AOPEP: variants seen among roughly 807,000 people sequenced by gnomAD.
AOPEP encodes aminopeptidase O (putative), also known as aminopeptidase O.
A neutral mutation model predicts 98.1 loss-of-function variants in AOPEP; 77 were observed. That is an observed-to-expected ratio of 0.78 (90% confidence interval 0.65 to 0.95). AOPEP has a LOEUF of 0.95. Ranked by LOEUF, AOPEP falls within the 40% of genes least tolerant of loss-of-function variation. AOPEP has a pLI of 0.00. For missense variants in AOPEP, 1,024 were observed against 1,024.7 expected (o/e 1.00, Z 0.01); for synonymous variants, 346 against 365.3 (o/e 0.95, Z 0.60).
chr9:95,084,202 T>C (rs1040120121), intron 16 of AOPEP, among the ~76,000 whole-genome samples: 6 of 152,266 alleles, frequency 3.9e-5, no homozygotes, highest in Non-Finnish European at 7.3e-5. Context: ...GTTGATATTC[T>C]TCACTCAGTT....
In AOPEP at chr9:94,768,895, C is replaced by T. The variant is rs141137278; in HGVS notation, c.798-4107C>T. 5.9e-3 allele frequency among the ~76,000 whole-genome samples: 906 copies of T among 152,378 alleles called. 4 individuals are homozygous for T. Among genetic ancestry groups the T allele is most frequent in the South Asian group, 0.021 (101 of 4,830 alleles). On this transcript the variant is annotated intron_variant, in intron 2 of 16. Coordinates refer to ENST00000375315, the MANE Select transcript of AOPEP (RefSeq NM_001193329.3). The stretch of plus-strand genomic sequence containing the variant: ...GGAGAATTTCAGGCTGCTGCCTGCA[C>T]GTCTATCCTATGAGCATTTTAGCAA...
chr9:95,082,875 G>A, intron 16 of AOPEP, 156 bp downstream of exon 16: 5 of 812,986 alleles, frequency 6.2e-6, no homozygotes, highest in African/African-American at 1.7e-5. Flanking sequence ...GGCCAAGTGG[G>A]TGCTGGGCTG....
At chr9:95,137,380 G>A in the AOPEP span, among the ~76,000 whole-genome samples, 1 of 152,114 alleles carries the variant, frequency 6.6e-6, no homozygotes, top group Non-Finnish European at 1.5e-5. Flanking sequence ...AGGGGGAAGG[G>A]AGAAGGGAGG....
intron 5 of AOPEP, among the ~76,000 whole-genome samples, chr9:94,912,251 C>T (rs759174915): frequency 3.3e-5 from 5 of 152,056 alleles, no homozygotes; most frequent in African/African-American, 7.2e-5. Flanking sequence ...TAGATAGTAC[C>T]GCTCTTAGCT....
At chr9:95,075,300 G>A (rs2068931773) in intron 14 of AOPEP, among the ~76,000 whole-genome samples, 1 of 152,154 alleles carries the variant, frequency 6.6e-6, no homozygotes, top group Admixed American at 6.5e-5. Flanking sequence ...TATTTGAAGT[G>A]TACCATTTGA....
chr9:94,895,145 A>G (rs1201737402), intron 5 of AOPEP, among the ~76,000 whole-genome samples: 5 of 151,878 alleles, frequency 3.3e-5, no homozygotes, highest in Non-Finnish European at 7.4e-5. Flanking sequence ...AGGCCGAGGC[A>G]GGAGGATTGC....
At chr9:94,793,884 G>A (rs986048205) in intron 4 of AOPEP, among the ~76,000 whole-genome samples, 3 of 152,134 alleles carry the variant, frequency 2.0e-5, no homozygotes, top group Non-Finnish European at 4.4e-5. Context: ...GGTTTTCAGT[G>A]CTTATGTGGT....
At chr9:94,944,079 A>G (rs893207430) in intron 7 of AOPEP, among the ~76,000 whole-genome samples, 3 of 152,206 alleles carry the variant, frequency 2.0e-5, no homozygotes. Flanking sequence ...CATACCTACT[A>G]GGATGGCTAC....
intron 3 of AOPEP, among the ~76,000 whole-genome samples, chr9:94,779,050 A>G (rs2031698): frequency 0.42 from 63,897 of 151,738 alleles, 13,810 homozygotes; most frequent in East Asian, 0.51. Context: ...GTACACATTT[A>G]TTGTATATGT....
At chr9:94,822,011 A>G (rs990660310) in intron 5 of AOPEP, among the ~76,000 whole-genome samples, 2 of 146,164 alleles carry the variant, frequency 1.4e-5, no homozygotes, top group South Asian at 2.2e-4. Context: ...ACACACACAC[A>G]CGCAGGCATT....
chr9:94,843,942 A>G (rs2042558820), intron 5 of AOPEP, among the ~76,000 whole-genome samples: 1 of 152,122 alleles, frequency 6.6e-6, no homozygotes, highest in Non-Finnish European at 1.5e-5. Context: ...TTATTTTTAA[A>G]TTTAGGTAAA....
intron 5 of AOPEP, among the ~76,000 whole-genome samples, chr9:94,888,644 CAAAG>C (rs1362072926): frequency 1.3e-5 from 2 of 151,978 alleles, no homozygotes; most frequent in Non-Finnish European, 2.9e-5. Flanking sequence ...TTTAATAAGT[CAAAG>C]AAAGTTTTTT....
chr9:94,829,445 C>T (rs992945053), intron 5 of AOPEP, among the ~76,000 whole-genome samples: 1 of 152,100 alleles, frequency 6.6e-6, no homozygotes, highest in Non-Finnish European at 1.5e-5. Context: ...AGCATCTTGA[C>T]AAAGAAATGT....
chr9:94,909,099 G>A (rs1333970989), intron 5 of AOPEP, among the ~76,000 whole-genome samples: 5 of 152,230 alleles, frequency 3.3e-5, no homozygotes, highest in Admixed American at 1.3e-4. Context: ...GCTTCGTAAC[G>A]TGAGCAGCGT....
intron 5 of AOPEP, among the ~76,000 whole-genome samples, chr9:94,828,485 A>T (rs1855161439): frequency 6.6e-6 from 1 of 152,298 alleles, no homozygotes. Context: ...TATTATGTAC[A>T]TATTAAATGC....
the AOPEP span, chr9:95,125,239 T>C: frequency 7.1e-7 from 1 of 1,418,014 alleles, no homozygotes; most frequent in African/African-American, 1.4e-5. Flanking sequence ...CCGGCAAACA[T>C]GAAAACCTGC....
intron 2 of AOPEP, among the ~76,000 whole-genome samples, chr9:94,767,715 A>G (rs1182760533): frequency 6.6e-6 from 1 of 152,244 alleles, no homozygotes; most frequent in Non-Finnish European, 1.5e-5. Flanking sequence ...CACCCAAAAC[A>G]TCTCTGGTGA....
At chr9:94,727,136 G>A (rs531101543) in intron 1 of AOPEP, among the ~76,000 whole-genome samples, 2 of 152,340 alleles carry the variant, frequency 1.3e-5, no homozygotes, top group East Asian at 1.9e-4. Context: ...TAAGTAGGCA[G>A]AACAGTTTCG....
At chr9:94,765,945 A>G (rs1839509726) in intron 2 of AOPEP, among the ~76,000 whole-genome samples, 2 of 152,168 alleles carry the variant, frequency 1.3e-5, no homozygotes, top group African/African-American at 4.8e-5. Flanking sequence ...GAATACATAT[A>G]TAACAATCAG....
Sources: allele counts gnomAD v4.1 joint callset (sites outside exome capture counted in the v4.1 genomes callset), GRCh38; gene constraint gnomAD v4.1.1; transcripts MANE v1.5; gene names NCBI Gene and HGNC (gene_info 2026-07-23, HGNC 2026-07-21).